SERGEF: variants seen among roughly 807,000 people sequenced by gnomAD.
The protein encoded by SERGEF is secretion regulating guanine nucleotide exchange factor, also known as secretion-regulating guanine nucleotide exchange factor.
SERGEF carries 51 observed loss-of-function variants against 50.0 expected under a neutral mutation model. The ratio of observed to expected loss-of-function variants is 1.02; its 90% CI spans 0.81 to 1.29. SERGEF has a LOEUF of 1.29. Ranked by LOEUF, SERGEF falls within the 50% of genes most tolerant of loss-of-function variation. The pLI, the probability that SERGEF is intolerant of heterozygous loss-of-function variation, is 0.00. For missense variants in SERGEF, 521 were observed against 557.0 expected, an observed-to-expected ratio of 0.94 and a Z score of 0.65; for synonymous variants, 205 against 212.4, an observed-to-expected ratio of 0.97 and a Z score of 0.30.
chr11:17,815,772 A>G (rs1180704969), intron 10 of SERGEF, among the ~76,000 whole-genome samples: 1 of 150,788 alleles, frequency 6.6e-6, no homozygotes, highest in African/African-American at 2.4e-5. Context: ...AAATACAAAA[A>G]TTAGCTGGGC....
Position 17,888,825 on chromosome 11 carries a change from G to T in SERGEF, c.1012-10581C>A, listed in dbSNP as rs753909164. Among the ~76,000 whole-genome samples, 3 of 152,116 alleles carry T rather than the reference G, an allele frequency of 2.0e-5. No homozygotes were observed. Among genetic ancestry groups the T allele is most frequent in the Non-Finnish European group, 4.4e-5 (3 of 68,030 alleles). On this transcript the variant is annotated intron_variant, in intron 9 of 10. Coordinates refer to ENST00000265965, the MANE Select transcript of SERGEF (RefSeq NM_012139.4). This position sits in a 1 kb window ranked among gnomAD's most constrained non-coding sequence, Gnocchi z 4.1. ...CGGAGAAAAGGCTGATTCTAGGGTTGGGATGAGGAAAGAACAGTTTGAGCC... is the reference window on the plus strand; with the variant it reads ...CGGAGAAAAGGCTGATTCTAGGGTTTGGATGAGGAAAGAACAGTTTGAGCC...
chr11:17,889,517 C>T (rs1207230981), intron 9 of SERGEF, among the ~76,000 whole-genome samples: 5 of 152,036 alleles, frequency 3.3e-5, no homozygotes, highest in Non-Finnish European at 7.4e-5. Flanking sequence ...TAAAAAATGT[C>T]AATGTCATAA....
intron 10 of SERGEF, among the ~76,000 whole-genome samples, chr11:17,795,527 C>T (rs1849558177): frequency 6.6e-6 from 1 of 152,176 alleles, no homozygotes; most frequent in African/African-American, 2.4e-5. Flanking sequence ...TCCACAGCAC[C>T]TATGAGACCA....
At chr11:17,906,902 AATATATTT>A (rs1851856233) in intron 9 of SERGEF, among the ~76,000 whole-genome samples, 2 of 151,664 alleles carry the variant, frequency 1.3e-5, no homozygotes, top group African/African-American at 4.8e-5. Context: ...ATGTGGTTGT[AATATATTT>A]AAAGAATGAT....
At chr11:17,814,990 G>A (rs2133838373) in intron 10 of SERGEF, among the ~76,000 whole-genome samples, 1 of 152,184 alleles carries the variant, frequency 6.6e-6, no homozygotes, top group African/African-American at 2.4e-5. Context: ...AGACCAGCCT[G>A]GACTACGCAG....
intron 10 of SERGEF, among the ~76,000 whole-genome samples, chr11:17,852,388 C>T (rs1850729647): frequency 6.6e-6 from 1 of 152,208 alleles, no homozygotes; most frequent in African/African-American, 2.4e-5. Context: ...CCTTCTGGCT[C>T]TGGGAAGGAC....
At chr11:17,983,285 C>A (rs1278582103) in intron 8 of SERGEF, among the ~76,000 whole-genome samples, 1 of 152,128 alleles carries the variant, frequency 6.6e-6, no homozygotes, top group African/African-American at 2.4e-5. Context: ...CGTCAGCAAC[C>A]AGCACTTGTA....
At chr11:17,885,081 T>C (rs1321474308) in intron 9 of SERGEF, among the ~76,000 whole-genome samples, 1 of 152,204 alleles carries the variant, frequency 6.6e-6, no homozygotes, top group East Asian at 1.9e-4. Context: ...CCTCTTTTGA[T>C]ACAGAGTGTC....
rs569732531 is a variant in SERGEF, at chr11:17,829,321, G to A, written c.1049-40908C>T. ...GGAATACTGCTAAAGTGCAGATTCC[G>A]ATTCAGCAGGTCTTAGGTAGTACCT... On this transcript the variant is annotated intron_variant, in intron 10 of 10. Coordinates refer to ENST00000265965, the MANE Select transcript of SERGEF (RefSeq NM_012139.4). 3.7e-4 allele frequency among the ~76,000 whole-genome samples: 56 copies of A among 152,274 alleles called. 1 individual carries two copies. The South Asian group carries it at 0.011, about 29-fold the overall frequency.
intron 9 of SERGEF, among the ~76,000 whole-genome samples, chr11:17,886,023 T>C (rs1851422253): frequency 6.6e-6 from 1 of 152,168 alleles, no homozygotes; most frequent in South Asian, 2.1e-4. Flanking sequence ...GAGAGAGTTC[T>C]GGATATGGAA....
intron 2 of SERGEF, 139 bp downstream of exon 2, chr11:18,007,802 G>T: frequency 1.2e-6 from 1 of 825,880 alleles, no homozygotes; most frequent in Non-Finnish European, 1.8e-6. Flanking sequence ...TGGTAATTTG[G>T]CTCTTTCACA....
intron 9 of SERGEF, among the ~76,000 whole-genome samples, chr11:17,916,119 T>C (rs560392421): frequency 6.6e-6 from 1 of 152,184 alleles, no homozygotes; most frequent in Non-Finnish European, 1.5e-5. Context: ...TGAAGACCAA[T>C]TTCCTAGAAT....
At chr11:17,930,227 T>G (rs1268540016) in intron 9 of SERGEF, among the ~76,000 whole-genome samples, 1 of 152,212 alleles carries the variant, frequency 6.6e-6, no homozygotes, top group Non-Finnish European at 1.5e-5. Flanking sequence ...GTGGGTAAAG[T>G]AACTGGCACA....
intron 10 of SERGEF, among the ~76,000 whole-genome samples, chr11:17,832,782 A>T (rs1850334111): frequency 6.6e-6 from 1 of 152,244 alleles, no homozygotes; most frequent in South Asian, 2.1e-4. Context: ...TGTTTTAACA[A>T]AGAGATTGGC....
At chr11:17,998,704 G>A (rs1853898225) in intron 5 of SERGEF, among the ~76,000 whole-genome samples, 1 of 151,284 alleles carries the variant, frequency 6.6e-6, no homozygotes, top group Non-Finnish European at 1.5e-5. Context: ...TATGTGTAGG[G>A]TCTTAATCTA....
intron 7 of SERGEF, among the ~76,000 whole-genome samples, chr11:17,992,276 A>G (rs1853728483): frequency 6.6e-6 from 1 of 152,236 alleles, no homozygotes; most frequent in Non-Finnish European, 1.5e-5. Context: ...ATATATAGAC[A>G]CACAGATTAG....
At chr11:17,998,429 A>C (rs1853882441) in intron 5 of SERGEF, among the ~76,000 whole-genome samples, 1 of 12,708 alleles carries the variant, frequency 7.9e-5, no homozygotes, top group Non-Finnish European at 1.6e-4. Flanking sequence ...AAATACATAC[A>C]TACATACATA....
At chr11:17,990,729 G>A (rs1361604323) in intron 7 of SERGEF, among the ~76,000 whole-genome samples, 3 of 151,984 alleles carry the variant, frequency 2.0e-5, no homozygotes, top group Non-Finnish European at 2.9e-5. Flanking sequence ...AAAATCCAAT[G>A]TGTAACAGCT....
intron 7 of SERGEF, among the ~76,000 whole-genome samples, chr11:17,989,577 A>C (rs1248186953): frequency 6.6e-6 from 1 of 152,234 alleles, no homozygotes; most frequent in African/African-American, 2.4e-5. Context: ...ATTCAAAAAT[A>C]TTTTGTAAAT....
Sources: gnomAD v4.1 joint callset for allele counts (sites outside exome capture counted in the v4.1 genomes callset) on GRCh38, gnomAD v4.1.1 for gene constraint, Gnocchi (gnomAD v3.1) non-coding constraint, MANE v1.5 for transcripts, NCBI Gene and HGNC (gene_info 2026-07-23, HGNC 2026-07-21) for gene names.